DESI2: variants seen among roughly 807,000 people sequenced by gnomAD.
The protein encoded by DESI2 is deubiquitinase DESI2.
DESI2 carries 10 observed loss-of-function variants against 24.1 expected under a neutral mutation model. The observed-to-expected ratio is 0.41, with a 90% CI of 0.26 to 0.70. The LOEUF (loss-of-function observed/expected upper bound fraction) is 0.70, where lower values mean the gene tolerates loss of function less well. Among genes scored for constraint, DESI2 ranks in the 30% least tolerant of loss-of-function variants. DESI2 has a pLI of 0.29. For missense variants in DESI2, 122 were observed against 234.9 expected (o/e 0.52, Z 3.14); for synonymous variants, 71 against 87.7 (o/e 0.81, Z 1.06).
At chr1:244,674,358 A>G (rs1468374345) in intron 1 of DESI2, among the ~76,000 whole-genome samples, 1 of 150,508 alleles carries the variant, frequency 6.6e-6, no homozygotes, top group African/African-American at 2.5e-5. Context: ...GATACTGTTC[A>G]TATACTAGAT....
intron 1 of DESI2, among the ~76,000 whole-genome samples, chr1:244,680,643 G>A (rs1676577093): frequency 6.6e-6 from 1 of 152,164 alleles, no homozygotes; most frequent in Admixed American, 6.5e-5. Context: ...GTATTGATAA[G>A]GTGATATACA....
intron 1 of DESI2, among the ~76,000 whole-genome samples, chr1:244,665,080 C>T (rs1675995828): frequency 6.6e-6 from 1 of 152,006 alleles, no homozygotes; most frequent in Admixed American, 6.6e-5. Flanking sequence ...TCTTCCTGCA[C>T]CATTATTAGA....
rs1261462690 is a variant in DESI2, at chr1:244,708,768, T to TA, written c.*2980dup. ...GTATCTCTTTCTCTTCAGTATGGTT[T>TA]AGAGCCCAGATCAGTTAGTAGGCTT... is the stretch of plus-strand genomic sequence containing the variant. On this transcript the variant is annotated 3_prime_UTR_variant, in exon 5 of 5. Coordinates refer to ENST00000302550, the MANE Select transcript of DESI2 (RefSeq NM_016076.5). 2.6e-5 allele frequency: 4 copies of TA among 152,676 alleles called. No homozygotes were observed. Among genetic ancestry groups the TA allele is most frequent in the Non-Finnish European group, 5.9e-5 (4 of 68,046 alleles). The allele number at this position is 152,676 out of a possible 1,614,324, so 9.5% of individuals were successfully genotyped here. A position where few individuals can be genotyped will look rare whatever the true frequency, so the allele number is the denominator to read the frequency against.
intron 4 of DESI2, among the ~76,000 whole-genome samples, chr1:244,700,712 C>T (rs1309504121): frequency 2.0e-5 from 3 of 152,204 alleles, no homozygotes; most frequent in Admixed American, 2.0e-4. Flanking sequence ...TACTTAACCT[C>T]ATCAATGAGA....
chr1:244,673,880 G>A (rs186720935), intron 1 of DESI2, among the ~76,000 whole-genome samples: 55 of 152,054 alleles, frequency 3.6e-4, no homozygotes, highest in Admixed American at 1.2e-3. Context: ...GTTTATCCTC[G>A]GGGGCTCAAG....
chr1:244,665,331 T>G (rs989643595), intron 1 of DESI2, among the ~76,000 whole-genome samples: 3 of 152,192 alleles, frequency 2.0e-5, no homozygotes, highest in African/African-American at 7.2e-5. Flanking sequence ...CACTAAAATC[T>G]GCGCTCCTAA....
At chr1:244,658,078 T>G (rs1675709430) in intron 1 of DESI2, among the ~76,000 whole-genome samples, 1 of 152,222 alleles carries the variant, frequency 6.6e-6, no homozygotes, top group African/African-American at 2.4e-5. Context: ...TATCCCCATT[T>G]CCACTAATGC....
chr1:244,653,364 G>T lies in DESI2; in HGVS notation c.42+9G>T. 6.5e-7 allele frequency: 1 copy of T among 1,543,408 alleles called. No homozygotes were observed. Among genetic ancestry groups the T allele is most frequent in the Non-Finnish European group, 8.7e-7 (1 of 1,152,028 alleles). On this transcript the variant is annotated intron_variant, in intron 1 of 4. Transcript: ENST00000302550. The stretch of plus-strand genomic sequence containing the variant: ...TCAACGTGTACGACATGGTGAGTGC[G>T]GCCCCTGGCGGCCCCGAGCCCTGGC...
chr1:244,657,376 C>T (rs1438086521), intron 1 of DESI2, among the ~76,000 whole-genome samples: 1 of 152,198 alleles, frequency 6.6e-6, no homozygotes, highest in East Asian at 1.9e-4. Flanking sequence ...CTTCCCTTTC[C>T]TCCTGTCCAC....
At chr1:244,685,276 A>G (rs530506959) in intron 1 of DESI2, among the ~76,000 whole-genome samples, 2 of 152,260 alleles carry the variant, frequency 1.3e-5, no homozygotes, top group South Asian at 4.1e-4. Context: ...CTATCCATAT[A>G]TAGTTATTTT....
chr1:244,662,164 G>T lies in DESI2; in HGVS notation c.42+8809G>T, dbSNP rs896870282. Among the ~76,000 whole-genome samples, 8 of 152,186 alleles carry T rather than the reference G, an allele frequency of 5.3e-5. No homozygotes were observed. The East Asian group carries it at 1.3e-3, about 26-fold the overall frequency. On this transcript the variant is annotated intron_variant, in intron 1 of 4. Coordinates refer to ENST00000302550, the MANE Select transcript of DESI2 (RefSeq NM_016076.5). ...TTGCATTTCTCTGATGGCCAGTGATGAGCATTTTTTCATGTGTCTTTTGGC... is the reference window on the plus strand; with the variant it reads ...TTGCATTTCTCTGATGGCCAGTGATTAGCATTTTTTCATGTGTCTTTTGGC...
At chr1:244,694,854 G>A in intron 4 of DESI2, 1 of 494,832 alleles carries the variant, frequency 2.0e-6, no homozygotes, top group Non-Finnish European at 3.6e-6. Flanking sequence ...AAAGATTTAT[G>A]GCCTATAAAG....
intron 1 of DESI2, chr1:244,653,662 C>T (rs1675542799): frequency 2.0e-6 from 1 of 490,436 alleles, no homozygotes; most frequent in South Asian, 2.4e-5. Flanking sequence ...GTGCAGTGTC[C>T]TTTCGGCAAA....
intron 1 of DESI2, among the ~76,000 whole-genome samples, chr1:244,676,631 TTTA>T (rs1162294974): frequency 6.6e-6 from 1 of 151,812 alleles, no homozygotes; most frequent in Admixed American, 6.6e-5. Context: ...TATCTTATTT[TTTA>T]TTTTAAAGGG....
chr1:244,703,388 C>T (rs1313782885), intron 4 of DESI2, among the ~76,000 whole-genome samples: 1 of 152,070 alleles, frequency 6.6e-6, no homozygotes, highest in African/African-American at 2.4e-5. Flanking sequence ...TGGAATCTCA[C>T]TTTGTCATCC....
At chr1:244,690,232 G>A (rs6670621) in intron 3 of DESI2, among the ~76,000 whole-genome samples, 101,572 of 151,900 alleles carry the variant, frequency 0.67, 34,605 homozygotes, top group South Asian at 0.8. Context: ...CTCCCACCCC[G>A]CGACAGGCCC....
rs1292440601 is a variant in DESI2, at chr1:244,707,813, A to T, written c.*2024A>T. On this transcript the variant is annotated 3_prime_UTR_variant, in exon 5 of 5. Coordinates refer to ENST00000302550, the MANE Select transcript of DESI2 (RefSeq NM_016076.5). ...AGCAAGTCAGCACACAAGTGATTTTATTGTTATTTTGTTGTATTTACTTGC... is the reference window on the plus strand; with the variant it reads ...AGCAAGTCAGCACACAAGTGATTTTTTTGTTATTTTGTTGTATTTACTTGC... 6.6e-6 allele frequency: 1 copy of T among 152,114 alleles called. No homozygotes were observed. The highest frequency in any genetic ancestry group is 1.5e-5 in the Non-Finnish European group (1 of 68,016). 9.4% of individuals were successfully genotyped at this position (152,114 alleles called of 1,614,324 possible). A position where few individuals can be genotyped will look rare whatever the true frequency, so the allele number is the denominator to read the frequency against.
At chr1:244,696,764 G>A (rs780021726) in intron 4 of DESI2, among the ~76,000 whole-genome samples, 1 of 152,242 alleles carries the variant, frequency 6.6e-6, no homozygotes, top group Non-Finnish European at 1.5e-5. Flanking sequence ...TTGGACTTCT[G>A]TAAGGTTCTC....
intron 1 of DESI2, among the ~76,000 whole-genome samples, chr1:244,679,280 G>A (rs979714551): frequency 2.6e-5 from 4 of 152,140 alleles, no homozygotes; most frequent in African/African-American, 9.7e-5. Flanking sequence ...AAAAGGGGGA[G>A]AAAGTAAGAG....
Sources: gnomAD v4.1 joint callset for allele counts (sites outside exome capture counted in the v4.1 genomes callset) on GRCh38, gnomAD v4.1.1 for gene constraint, MANE v1.5 for transcripts, NCBI Gene and HGNC (gene_info 2026-07-23, HGNC 2026-07-21) for gene names.